Variants in LRRC61 observed in about 807,000 individuals in gnomAD.
LRRC61 encodes the protein leucine-rich repeat-containing protein 61.
A neutral mutation model predicts 15.1 loss-of-function variants in LRRC61; 9 were observed. The observed-to-expected ratio is 0.60, with a 90% CI of 0.36 to 1.04. The LOEUF is 1.04. Ranked by LOEUF, LRRC61 falls within the 50% of genes least tolerant of loss-of-function variation. The pLI is 0.01. For synonymous variants in LRRC61, 173 were observed against 158.6 expected (o/e 1.09, Z -0.68); for missense variants, 344 against 335.6 (o/e 1.03, Z -0.20).
At chr7:150,331,163 C>G (rs764288670) in intron 2 of LRRC61, 5 of 1,532,286 alleles carry the variant, frequency 3.3e-6, no homozygotes, top group Non-Finnish European at 3.5e-6. Context: ...GAGCAAAACT[C>G]TTCTCTCAAG....
In LRRC61 at chr7:150,325,923, G is replaced by A. The variant is rs1437716055; in HGVS notation, c.-232G>A. The A allele has an allele frequency of 6.5e-6, 1 of 152,672 alleles. No individual in the cohort carries two copies. Among genetic ancestry groups the A allele is most frequent in the Non-Finnish European group, 1.5e-5 (1 of 68,050 alleles). The allele number at this position is 152,672 out of a possible 1,614,324, so 9.5% of individuals were successfully genotyped here. A position where few individuals can be genotyped will look rare whatever the true frequency, so the allele number is the denominator to read the frequency against. ...TACTTCTGTGGAAGAGAACATGGTGGTGTCACTGTTGTACCAGTGATGACA... is the reference window on the plus strand; with the variant it reads ...TACTTCTGTGGAAGAGAACATGGTGATGTCACTGTTGTACCAGTGATGACA... On this transcript the variant is annotated 5_prime_UTR_variant, in exon 2 of 3. In the 5' UTR this introduces an upstream ATG that the reference lacks. Transcript: ENST00000359623.
rs1017632038 is a variant in LRRC61, at chr7:150,333,288, G to T, written c.-144-3430G>T. 1.3e-5 allele frequency among the ~76,000 whole-genome samples: 2 copies of T among 152,218 alleles called. No homozygotes were observed. The highest frequency in any genetic ancestry group is 2.1e-4 in the South Asian group (1 of 4,836). On this transcript the variant is annotated intron_variant, in intron 2 of 2. Transcript: ENST00000359623. This position sits in a 1 kb window ranked among gnomAD's most constrained non-coding sequence, Gnocchi z 4.3. ...CATCTAGGCGCAGTTTTGTCCCCCA[G>T]TGGACATTGACAATGTCTGGAGGTG... is the stretch of plus-strand genomic sequence containing the variant.
Position 150,330,866 on chromosome 7 carries a change from C to T in LRRC61, c.-145+4856C>T. 1 of 1,609,748 alleles carries T rather than the reference C, an allele frequency of 6.2e-7. No homozygotes were observed. The highest frequency in any genetic ancestry group is 1.1e-5 in the South Asian group (1 of 90,982). The stretch of plus-strand genomic sequence containing the variant: ...GCCAGGGGGAGCCTCTGCAGAGCAG[C>T]AGCCACTCTGGGGCCTTCCTGCTGG... On this transcript the variant is annotated intron_variant, in intron 2 of 2. Coordinates refer to ENST00000359623, the MANE Select transcript of LRRC61 (RefSeq NM_001142928.2). The surrounding 1 kb of genome is among the most constrained non-coding windows in gnomAD (Gnocchi z 4.6).
In LRRC61 at chr7:150,337,775, C is replaced by G; in HGVS notation, c.*134C>G. ...CACTGGGCTATTGCTTTATCCCTAT[C>G]CTGAGAGCAGCCCCTCCCCACCATC... On this transcript the variant is annotated 3_prime_UTR_variant, in exon 3 of 3. Transcript: ENST00000359623. 1 of 959,002 alleles carries G rather than the reference C, an allele frequency of 1.0e-6. No homozygotes were observed. Among genetic ancestry groups the G allele is most frequent in the Non-Finnish European group, 1.5e-6 (1 of 659,018 alleles). 59.4% of individuals were successfully genotyped at this position (959,002 alleles called of 1,614,324 possible). A position where few individuals can be genotyped will look rare whatever the true frequency, so the allele number is the denominator to read the frequency against.
the LRRC61 span, among the ~76,000 whole-genome samples, chr7:150,312,580 T>G: frequency 6.6e-6 from 1 of 152,218 alleles, no homozygotes. Flanking sequence ...TTAGGGCAAT[T>G]CCAAACTCAA....
chr7:150,327,356 C>T (rs1797984278), intron 2 of LRRC61, among the ~76,000 whole-genome samples: 1 of 152,158 alleles, frequency 6.6e-6, no homozygotes, highest in East Asian at 1.9e-4. Context: ...GCCCTGGTCT[C>T]CTGCAGTTCA....
intron 1 of LRRC61, chr7:150,323,845 G>A (rs1797821936): frequency 2.6e-6 from 1 of 386,492 alleles, no homozygotes; most frequent in African/African-American, 2.2e-5. Flanking sequence ...GCGTGTGCTG[G>A]AGCAGGATCA....
At chr7:150,324,599 G>T (rs1310676568) in intron 1 of LRRC61, among the ~76,000 whole-genome samples, 6 of 152,122 alleles carry the variant, frequency 3.9e-5, no homozygotes, top group African/African-American at 1.4e-4. Flanking sequence ...CTTCTGCACA[G>T]CACTCCAGGA....
the LRRC61 span, among the ~76,000 whole-genome samples, chr7:150,315,669 A>G: frequency 7.2e-6 from 1 of 139,196 alleles, no homozygotes; most frequent in South Asian, 2.2e-4. Flanking sequence ...CCTCAACAAC[A>G]CAGTTCCCCT....
chr7:150,316,480 G>GTTTT, the LRRC61 span, among the ~76,000 whole-genome samples: 2 of 131,732 alleles, frequency 1.5e-5, no homozygotes. Flanking sequence ...TTAGAATCTG[G>GTTTT]TTATTTTTTT....
In LRRC61 at chr7:150,337,010, G is replaced by A; in HGVS notation, c.149G>A (p.Gly50Glu). ...GGACTGGCTGACCTGGGCTGCCTGG[G>A]AGAGTGCCTGGGCCTGGAGTGGCTG... ...GLGLADLGCL[G>E]ECLGLEWLDL... is the part of the protein sequence containing the mutation. Residue 50 changes from glycine to glutamate, a missense_variant, in exon 3 of 3, where the codon GGA (glycine) becomes GAA (glutamate). Transcript: ENST00000359623. 6.2e-7 allele frequency: 1 copy of A among 1,613,856 alleles called. No individual in the cohort carries two copies. Among genetic ancestry groups the A allele is most frequent in the Non-Finnish European group, 8.5e-7 (1 of 1,180,014 alleles).
At position 150,337,544 on chromosome 7, in the gene LRRC61, A is replaced by G; in HGVS notation, c.683A>G (p.Gln228Arg). 6.2e-7 allele frequency: 1 copy of G among 1,603,802 alleles called. No individual in the cohort carries two copies. The highest frequency in any genetic ancestry group is 8.5e-7 in the Non-Finnish European group (1 of 1,176,952). ...TGCCGGCAGTTCCAGGACACACTGC[A>G]GGAGTGCTGGGACCTGGACCGCCAG... ...EACRQFQDTLQECWDLDRQAS... is the reference protein window; with the variant it reads ...EACRQFQDTLRECWDLDRQAS... Residue 228 changes from glutamine to arginine, a missense_variant, in exon 3 of 3, where the codon CAG becomes CGG. Physicochemically the swap from Gln to Arg is conservative, Grantham distance 43. Coordinates refer to ENST00000359623, the MANE Select transcript of LRRC61 (RefSeq NM_001142928.2).
upstream of LRRC61, among the ~76,000 whole-genome samples, chr7:150,322,482 C>T (rs1797632390): frequency 6.6e-6 from 1 of 152,210 alleles, no homozygotes; most frequent in Admixed American, 6.5e-5. Context: ...CTAAAAGACA[C>T]TCCCACCAGC....
chr7:150,333,804 A>G lies in LRRC61; in HGVS notation c.-144-2914A>G, dbSNP rs1798192338. On this transcript the variant is annotated intron_variant, in intron 2 of 2. Transcript: ENST00000359623. The surrounding 1 kb of genome is among the most constrained non-coding windows in gnomAD (Gnocchi z 4.3). ...CCTCCTTGTGTCTGCGGGCAGCCTG[A>G]TGGTTAGTTGGGTCTGCACAGGTGG... The G allele has an allele frequency of 1.4e-6, 1 of 707,980 alleles. No individual in the cohort carries two copies. Among genetic ancestry groups the G allele is most frequent in the Non-Finnish European group, 1.7e-6 (1 of 577,102 alleles). The allele number at this position is 707,980 out of a possible 1,614,324, so 43.9% of individuals were successfully genotyped here.
At chr7:150,310,858 C>T in the LRRC61 span, among the ~76,000 whole-genome samples, 1 of 152,134 alleles carries the variant, frequency 6.6e-6, no homozygotes, top group South Asian at 2.1e-4. Context: ...GAACACTATC[C>T]TACTTCTTCA....
chr7:150,331,195 C>A, intron 2 of LRRC61: 1 of 1,430,734 alleles, frequency 7.0e-7, no homozygotes. Flanking sequence ...TGAGCATCTC[C>A]TCTTCTTGAA....
At chr7:150,319,282 A>C (rs1359799150), upstream of LRRC61, among the ~76,000 whole-genome samples, 6 of 150,830 alleles carry the variant, frequency 4.0e-5, no homozygotes, top group African/African-American at 1.5e-4. Flanking sequence ...AGCTTGGCTC[A>C]CCACAAGCTC....
chr7:150,330,460 A>C lies in LRRC61; in HGVS notation c.-145+4450A>C, dbSNP rs777551672. The C allele has an allele frequency of 1.3e-6, 1 of 778,750 alleles. No homozygotes were observed. Among genetic ancestry groups the C allele is most frequent in the Non-Finnish European group, 2.4e-6 (1 of 418,126 alleles). 48.2% of individuals were successfully genotyped at this position (778,750 alleles called of 1,614,324 possible). On this transcript the variant is annotated intron_variant, in intron 2 of 2. Coordinates refer to ENST00000359623, the MANE Select transcript of LRRC61 (RefSeq NM_001142928.2). The surrounding 1 kb of genome is among the most constrained non-coding windows in gnomAD (Gnocchi z 4.6). Reference sequence around the variant, plus strand: ...GCCTCTCTGAGCCAGGTGCTGCCCCAGCTGCGCTACCTGCACATCTTCCTG... The same window carrying C: ...GCCTCTCTGAGCCAGGTGCTGCCCCCGCTGCGCTACCTGCACATCTTCCTG...
At chr7:150,325,323 C>T (rs1022416899) in intron 1 of LRRC61, among the ~76,000 whole-genome samples, 1 of 152,238 alleles carries the variant, frequency 6.6e-6, no homozygotes, top group East Asian at 1.9e-4. Context: ...CTGGCTAGGG[C>T]GCTTTCCTGA....
Sources: gnomAD v4.1 joint callset for allele counts (sites outside exome capture counted in the v4.1 genomes callset) on GRCh38, gnomAD v4.1.1 for gene constraint, Gnocchi (gnomAD v3.1) non-coding constraint, MANE v1.5 for transcripts, NCBI Gene and HGNC (gene_info 2026-07-23, HGNC 2026-07-21) for gene names.